TENM4: variants seen among roughly 807,000 people sequenced by gnomAD.
TENM4 encodes teneurin-4.
A neutral mutation model predicts 243.3 loss-of-function variants in TENM4; 82 were observed. That is an observed-to-expected ratio of 0.34 (90% CI 0.28 to 0.40). TENM4 has a LOEUF of 0.40. Ranked by LOEUF, TENM4 falls within the 10% of genes least tolerant of loss-of-function variation. The pLI, the probability that TENM4 is intolerant of heterozygous loss-of-function variation, is 1.00. For synonymous variants in TENM4, 1,412 were observed against 1,456.3 expected (o/e 0.97, Z 0.69); for missense variants, 3,138 against 3,673.3 (o/e 0.85, Z 3.77).
At position 79,323,992 on chromosome 11, in the gene TENM4, T is replaced by A. The variant is rs371600542; in HGVS notation, c.-320-26449A>T. ...TCCTTCAGTATCCTTGGGGGATTGG[T>A]TGCAGGAACACTTCACAGATACCAA... On this transcript the variant is annotated intron_variant, in intron 1 of 33. Transcript: ENST00000278550. Among the ~76,000 whole-genome samples the A allele has an allele frequency of 8.5e-4, 130 of 152,258 alleles. 8 individuals are homozygous for A. In the South Asian group the frequency reaches 0.018, roughly 21 times the overall value.
chr11:78,926,920 T>C (rs1856566612), intron 6 of TENM4, among the ~76,000 whole-genome samples: 1 of 152,216 alleles, frequency 6.6e-6, no homozygotes, highest in Non-Finnish European at 1.5e-5. Flanking sequence ...ATTTTCTAGG[T>C]TTGAGAGATA....
At chr11:79,410,726 C>T (rs1229963133) in intron 1 of TENM4, among the ~76,000 whole-genome samples, 1 of 152,138 alleles carries the variant, frequency 6.6e-6, no homozygotes, top group Non-Finnish European at 1.5e-5. Context: ...GTATTGCCTG[C>T]CTGATGGGTT....
At chr11:78,959,109 G>A (rs1246561283) in intron 6 of TENM4, among the ~76,000 whole-genome samples, 1 of 152,122 alleles carries the variant, frequency 6.6e-6, no homozygotes, top group Non-Finnish European at 1.5e-5. Flanking sequence ...CTGCTACACT[G>A]TGGTCCTTAA....
intron 2 of TENM4, among the ~76,000 whole-genome samples, chr11:79,255,568 A>T (rs138559752): frequency 1.2e-4 from 19 of 152,366 alleles, no homozygotes; most frequent in Non-Finnish European, 2.4e-4. Flanking sequence ...AAATTAATTA[A>T]AAATGACGGC....
intron 12 of TENM4, among the ~76,000 whole-genome samples, chr11:78,849,027 C>A (rs939221531): frequency 2.0e-5 from 3 of 152,192 alleles, no homozygotes; most frequent in African/African-American, 7.2e-5. Flanking sequence ...AACAGCAATT[C>A]TCATTTCTTT....
At chr11:79,375,598 CT>C (rs1276888587) in intron 1 of TENM4, among the ~76,000 whole-genome samples, 2 of 152,134 alleles carry the variant, frequency 1.3e-5, no homozygotes, top group Non-Finnish European at 2.9e-5. Context: ...ATTATTATTT[CT>C]TTCACTCAAC....
rs563377447 is a variant in TENM4, at chr11:79,132,818, T to G, written c.-66+15892A>C. Among the ~76,000 whole-genome samples, 5 of 152,208 alleles carry G rather than the reference T, an allele frequency of 3.3e-5. No individual in the cohort carries two copies. The East Asian group carries it at 9.7e-4, about 29-fold the overall frequency. On this transcript the variant is annotated intron_variant, in intron 4 of 33. Coordinates refer to ENST00000278550, the MANE Select transcript of TENM4 (RefSeq NM_001098816.3). ...ACTTAACGACAATAATGACACAACC[T>G]ATCAACACCTCTGGGATATGACAAA...
At chr11:79,225,236 A>AAGC (rs1162669392) in intron 2 of TENM4, among the ~76,000 whole-genome samples, 1 of 152,188 alleles carries the variant, frequency 6.6e-6, no homozygotes, top group Non-Finnish European at 1.5e-5. Flanking sequence ...AGAGTGAGGA[A>AAGC]AGCACGTCTG....
At chr11:79,030,068 A>G (rs1273544777) in intron 6 of TENM4, among the ~76,000 whole-genome samples, 2 of 152,132 alleles carry the variant, frequency 1.3e-5, no homozygotes, top group East Asian at 3.9e-4. Context: ...GCCCTGGATT[A>G]AAAGCAAGAT....
intron 2 of TENM4, among the ~76,000 whole-genome samples, chr11:79,286,866 A>C (rs1030494583): frequency 1.3e-5 from 2 of 152,180 alleles, no homozygotes; most frequent in Non-Finnish European, 2.9e-5. Context: ...CTCATTCTTA[A>C]ACATCTTAGA....
At chr11:78,906,190 C>T (rs1342993476) in intron 6 of TENM4, among the ~76,000 whole-genome samples, 4 of 152,164 alleles carry the variant, frequency 2.6e-5, no homozygotes, top group East Asian at 1.9e-4. Context: ...GCTTTCAAAC[C>T]CTTAACGTTT....
chr11:78,986,466 T>C (rs1396345388), intron 6 of TENM4, among the ~76,000 whole-genome samples: 1 of 152,230 alleles, frequency 6.6e-6, no homozygotes, highest in Non-Finnish European at 1.5e-5. Flanking sequence ...AGGTGGCTTT[T>C]GCCCAGGTTC....
intron 4 of TENM4, among the ~76,000 whole-genome samples, chr11:79,139,776 T>A (rs11819871): frequency 1.9e-4 from 1 of 5,246 alleles, no homozygotes; most frequent in African/African-American, 6.2e-4. Context: ...TATAAATATA[T>A]AATATATATT....
chr11:79,028,098 T>C (rs1859127577), intron 6 of TENM4, among the ~76,000 whole-genome samples: 1 of 152,214 alleles, frequency 6.6e-6, no homozygotes, highest in Non-Finnish European at 1.5e-5. Flanking sequence ...ATGTGACCCT[T>C]GGCAAGTTGC....
intron 4 of TENM4, chr11:79,096,768 T>C (rs1861087426): frequency 6.6e-6 from 1 of 152,578 alleles, no homozygotes; most frequent in South Asian, 2.1e-4. Context: ...CTCCTTGGAA[T>C]ATTCTGGCAA....
chr11:79,422,223 C>G (rs1858947736), intron 1 of TENM4: 1 of 149,682 alleles, frequency 6.7e-6, no homozygotes, highest in Non-Finnish European at 1.5e-5. Context: ...TAAGGAGTAC[C>G]ATATTAAATC....
At chr11:78,791,136 G>A (rs1295866151) in intron 15 of TENM4, among the ~76,000 whole-genome samples, 2 of 152,134 alleles carry the variant, frequency 1.3e-5, no homozygotes, top group Non-Finnish European at 2.9e-5. Flanking sequence ...CTCTGCAGAT[G>A]GGCCCATCTG....
At chr11:78,723,308 T>C (rs1359478603) in intron 23 of TENM4, among the ~76,000 whole-genome samples, 1 of 152,280 alleles carries the variant, frequency 6.6e-6, no homozygotes, top group Non-Finnish European at 1.5e-5. Flanking sequence ...CATAGCTCTA[T>C]GACAGCATGA....
At chr11:78,661,273 C>A (rs532177850) in intron 33 of TENM4, among the ~76,000 whole-genome samples, 176 bp downstream of exon 33, 3 of 152,318 alleles carry the variant, frequency 2.0e-5, no homozygotes, top group South Asian at 4.1e-4. Context: ...ATGGCTGCGT[C>A]CCTAGCAGCT....
Sources: allele counts gnomAD v4.1 joint callset (sites outside exome capture counted in the v4.1 genomes callset), GRCh38; gene constraint gnomAD v4.1.1; transcripts MANE v1.5; gene names NCBI Gene and HGNC (gene_info 2026-07-23, HGNC 2026-07-21).